Variants in STOX2 observed in about 807,000 individuals in gnomAD.
STOX2 encodes storkhead-box protein 2.
STOX2 carries 28 observed loss-of-function variants against 60.9 expected under a neutral mutation model. The observed-to-expected ratio is 0.46, with a 90% CI of 0.34 to 0.63. The LOEUF (loss-of-function observed/expected upper bound fraction) is 0.63, where lower values mean the gene tolerates loss of function less well. Ranked by LOEUF, STOX2 falls within the 30% of genes least tolerant of loss-of-function variation. The pLI is 0.01. For missense variants in STOX2, 1,024 were observed against 1,187.7 expected (o/e 0.86, Z 2.03); for synonymous variants, 472 against 463.9 (o/e 1.02, Z -0.22).
rs370086748 is a variant in STOX2 at position 184,006,973 on chromosome 4, G to A, written c.320-2185G>A. ...GGAGCTTGCAGTGAGCCGAGATCCC[G>A]CCACTGCACTCCAGCCTGGGCGACA... is the stretch of plus-strand genomic sequence containing the variant. On this transcript the variant is annotated intron_variant, in intron 2 of 3. Coordinates refer to ENST00000308497, the MANE Select transcript of STOX2 (RefSeq NM_020225.3). Among the ~76,000 whole-genome samples the A allele has an allele frequency of 1.7e-3, 207 of 122,612 alleles. No individual in the cohort carries two copies. In the East Asian group the frequency reaches 0.032, roughly 19 times the overall value. 80.4% of individuals were successfully genotyped at this position (122,612 alleles called of 152,430 possible).
intron 1 of STOX2, among the ~76,000 whole-genome samples, chr4:183,862,634 G>GC (rs1344297322): frequency 6.6e-6 from 1 of 152,230 alleles, no homozygotes; most frequent in African/African-American, 2.4e-5. Context: ...GGAGAGGCTG[G>GC]CACGCATTTG....
At chr4:183,816,744 A>C (rs1200473533) in intron 1 of STOX2, among the ~76,000 whole-genome samples, 1 of 152,266 alleles carries the variant, frequency 6.6e-6, no homozygotes, top group Non-Finnish European at 1.5e-5. Context: ...ATGGAACTGG[A>C]ACACATTATC....
intron 1 of STOX2, among the ~76,000 whole-genome samples, chr4:183,954,974 T>A (rs1483015025): frequency 6.6e-6 from 1 of 152,250 alleles, no homozygotes; most frequent in Non-Finnish European, 1.5e-5. Context: ...GTGCTGGGAT[T>A]ACAGGCTTGA....
Position 184,010,402 on chromosome 4 carries a change from A to AC in STOX2, c.1569dup (p.Ser524GlnfsTer6). The stretch of plus-strand genomic sequence containing the variant: ...TGAAGGCTGCAGCCAAGACGACCAG[A>AC]CCCCCAGCCAATCCTACATTGACGA... On this transcript the variant is annotated frameshift_variant, in exon 3 of 4. Transcript: ENST00000308497. LOFTEE classifies it high-confidence loss of function. The surrounding 1 kb of genome is among the most constrained non-coding windows in gnomAD (Gnocchi z 4.5). The AC allele has an allele frequency of 1.2e-6, 2 of 1,613,420 alleles. No homozygotes were observed. The highest frequency in any genetic ancestry group is 1.7e-6 in the Non-Finnish European group (2 of 1,179,736).
intron 1 of STOX2, among the ~76,000 whole-genome samples, chr4:183,928,718 A>G (rs987840432): frequency 3.3e-5 from 5 of 151,996 alleles, no homozygotes; most frequent in South Asian, 2.1e-4. Context: ...GGGATTAACA[A>G]CTTAGTGTCT....
intron 1 of STOX2, among the ~76,000 whole-genome samples, chr4:183,872,676 G>A (rs1358450779): frequency 6.6e-6 from 1 of 152,218 alleles, no homozygotes; most frequent in East Asian, 1.9e-4. Context: ...TGACATAGCT[G>A]TTGCTAGGGT....
At chr4:184,016,953 C>T (rs1734398511) in intron 3 of STOX2, 136 bp from the exon 4 acceptor site, 3 of 692,578 alleles carry the variant, frequency 4.3e-6, no homozygotes, top group South Asian at 2.1e-5. Flanking sequence ...AATAATCAGT[C>T]GAGATGTATA....
At chr4:183,912,500 G>A (rs1361660539) in intron 1 of STOX2, among the ~76,000 whole-genome samples, 3 of 152,140 alleles carry the variant, frequency 2.0e-5, no homozygotes, top group South Asian at 2.1e-4. Context: ...CCCAGAATGC[G>A]TTCTCCATCC....
intron 1 of STOX2, among the ~76,000 whole-genome samples, chr4:183,910,404 C>T (rs1741745062): frequency 6.6e-6 from 1 of 152,142 alleles, no homozygotes; most frequent in Non-Finnish European, 1.5e-5. Context: ...AGGCCCCAAA[C>T]CTTTTGTTGA....
At chr4:183,838,432 GATTT>G (rs1203123113) in intron 1 of STOX2, among the ~76,000 whole-genome samples, 2 of 151,694 alleles carry the variant, frequency 1.3e-5, no homozygotes, top group African/African-American at 4.8e-5. Context: ...GGTGTGTCTT[GATTT>G]ATTATTTCAT....
intron 1 of STOX2, among the ~76,000 whole-genome samples, chr4:183,908,601 T>TTG: frequency 6.6e-6 from 1 of 151,728 alleles, no homozygotes; most frequent in East Asian, 1.9e-4. Flanking sequence ...AGTTTTTTTT[T>TTG]TTTTTTTTTT....
intron 1 of STOX2, among the ~76,000 whole-genome samples, chr4:183,851,297 G>A (rs200334585): frequency 2.6e-4 from 10 of 39,042 alleles, no homozygotes; most frequent in Admixed American, 2.8e-4. Context: ...ATGAGAGAAA[G>A]GATGAGGGAA....
intron 1 of STOX2, among the ~76,000 whole-genome samples, chr4:183,884,134 G>A (rs1229213723): frequency 1.3e-5 from 2 of 152,124 alleles, no homozygotes; most frequent in African/African-American, 2.4e-5. Flanking sequence ...GATTACAGGC[G>A]CGAGCCACTG....
chr4:183,873,701 T>G (rs1197078345), intron 1 of STOX2, among the ~76,000 whole-genome samples: 1 of 152,220 alleles, frequency 6.6e-6, no homozygotes, highest in Admixed American at 6.5e-5. Context: ...GAACATGCTT[T>G]GAGTTCTTTG....
intron 1 of STOX2, among the ~76,000 whole-genome samples, chr4:183,871,232 C>T (rs867295477): frequency 6.6e-6 from 1 of 152,306 alleles, no homozygotes; most frequent in Middle Eastern, 3.4e-3. Flanking sequence ...TCTCTAACTA[C>T]TGTGGACTCT....
At chr4:183,911,096 G>A (rs907145726) in intron 1 of STOX2, among the ~76,000 whole-genome samples, 4 of 152,134 alleles carry the variant, frequency 2.6e-5, no homozygotes, top group African/African-American at 9.7e-5. Context: ...GAATTGGGCT[G>A]TGCAGTGGCT....
At chr4:183,832,769 C>T (rs1234260176) in intron 1 of STOX2, among the ~76,000 whole-genome samples, 1 of 152,120 alleles carries the variant, frequency 6.6e-6, no homozygotes, top group East Asian at 1.9e-4. Flanking sequence ...GGATTAGAGG[C>T]GTGAGCCACC....
At chr4:183,895,578 G>A (rs1356282653) in intron 1 of STOX2, among the ~76,000 whole-genome samples, 3 of 152,106 alleles carry the variant, frequency 2.0e-5, no homozygotes, top group African/African-American at 7.2e-5. Flanking sequence ...TTTTATATTC[G>A]ACACAGTTCA....
At chr4:183,814,664 G>A (rs1033301321) in intron 1 of STOX2, among the ~76,000 whole-genome samples, 2 of 152,186 alleles carry the variant, frequency 1.3e-5, no homozygotes, top group African/African-American at 2.4e-5. Flanking sequence ...TCCTGAATTA[G>A]TCACCTGGCA....
Sources: allele counts gnomAD v4.1 joint callset (sites outside exome capture counted in the v4.1 genomes callset), GRCh38; gene constraint gnomAD v4.1.1; non-coding constraint Gnocchi (gnomAD v3.1); transcripts MANE v1.5; gene names NCBI Gene and HGNC (gene_info 2026-07-23, HGNC 2026-07-21).